DGCR2: variants seen among roughly 807,000 people sequenced by gnomAD.
DGCR2 encodes the protein DiGeorge syndrome critical region gene 2.
In DGCR2, 24 loss-of-function variants were observed where a neutral mutation model predicts 51.6. The ratio of observed to expected loss-of-function variants is 0.47; its 90% CI spans 0.34 to 0.65. The LOEUF (loss-of-function observed/expected upper bound fraction) is 0.65, where lower values mean the gene tolerates loss of function less well. DGCR2 is among the 30% of genes least tolerant of loss of function. DGCR2 has a pLI of 0.01. For missense variants in DGCR2, 765 were observed against 772.1 expected (o/e 0.99, Z 0.11); for synonymous variants, 340 against 315.4 (o/e 1.08, Z -0.82).
intron 2 of DGCR2, among the ~76,000 whole-genome samples, chr22:19,086,688 G>A (rs73158835): frequency 0.18 from 26,823 of 151,916 alleles, 2,523 homozygotes; most frequent in South Asian, 0.28. Context: ...TCACTGCTCA[G>A]CCCTGGTGCA....
At chr22:19,091,249 C>T (rs2793073) in intron 1 of DGCR2, among the ~76,000 whole-genome samples, 62,670 of 152,028 alleles carry the variant, frequency 0.41, 13,364 homozygotes, top group African/African-American at 0.53. Flanking sequence ...GTCCCAGCTA[C>T]TCGAGAGGCT....
intron 1 of DGCR2, among the ~76,000 whole-genome samples, chr22:19,100,418 A>G (rs1047799941): frequency 5.3e-5 from 8 of 152,192 alleles, no homozygotes; most frequent in African/African-American, 1.9e-4. Context: ...TTTATGAAAC[A>G]ATCCATGCCC....
chr22:19,061,020 A>G (rs1569050450), intron 5 of DGCR2: 9 of 246,790 alleles, frequency 3.6e-5, no homozygotes, highest in Non-Finnish European at 7.7e-5. Context: ...ATTTTTCAAC[A>G]TCTTAATGTG....
chr22:19,065,190 C>T, intron 3 of DGCR2, 123 bp from the exon 4 acceptor site: 2 of 796,782 alleles, frequency 2.5e-6, no homozygotes, highest in Non-Finnish European at 4.0e-6. Context: ...GAAACTGAGG[C>T]TCAAGAGGAC....
intron 2 of DGCR2, among the ~76,000 whole-genome samples, chr22:19,089,107 CAGCGCCTCCTTAAGTGG>C (rs1470512283): frequency 2.6e-5 from 4 of 152,208 alleles, no homozygotes; most frequent in Non-Finnish European, 5.9e-5. Flanking sequence ...CCAGGGAGTG[CAGCGCCTCCTTAAGTGG>C]AGCCTCCTGG....
At chr22:19,115,272 G>C (rs1027939331) in intron 1 of DGCR2, among the ~76,000 whole-genome samples, 2 of 152,240 alleles carry the variant, frequency 1.3e-5, no homozygotes, top group Non-Finnish European at 2.9e-5. Context: ...CTCAGCACCG[G>C]CTTGCTGGGG....
At chr22:19,112,004 G>A (rs558366806) in intron 1 of DGCR2, among the ~76,000 whole-genome samples, 1 of 152,250 alleles carries the variant, frequency 6.6e-6, no homozygotes, top group African/African-American at 2.4e-5. Flanking sequence ...TGAGCATGAT[G>A]GCTCATGCCT....
intron 4 of DGCR2, 85 bp downstream of exon 4, chr22:19,064,760 CAGG>C (rs1178081505): frequency 3.1e-6 from 4 of 1,298,748 alleles, no homozygotes; most frequent in Non-Finnish European, 4.3e-6. Flanking sequence ...AGCTGTGCTC[CAGG>C]AGTTTACTGA....
At chr22:19,058,824 A>G (rs1185730156) in intron 5 of DGCR2, among the ~76,000 whole-genome samples, 1 of 152,216 alleles carries the variant, frequency 6.6e-6, no homozygotes, top group Non-Finnish European at 1.5e-5. Flanking sequence ...TCAGGCAACC[A>G]GCAAAACAGG....
At chr22:19,068,283 G>A in intron 2 of DGCR2, 58 bp from the exon 3 acceptor site, 1 of 1,507,052 alleles carries the variant, frequency 6.6e-7, no homozygotes, top group Non-Finnish European at 8.9e-7. Flanking sequence ...CAGTCTCCCT[G>A]GCCAGCATGG....
intron 1 of DGCR2, among the ~76,000 whole-genome samples, chr22:19,099,845 T>C (rs2083182060): frequency 6.6e-6 from 1 of 151,638 alleles, no homozygotes; most frequent in Admixed American, 6.6e-5. Context: ...GTGGCACATG[T>C]CTGTAATCCC....
At chr22:19,108,091 G>A (rs1424069795) in intron 1 of DGCR2, among the ~76,000 whole-genome samples, 2 of 152,158 alleles carry the variant, frequency 1.3e-5, no homozygotes. Flanking sequence ...AGAAGAGCAG[G>A]AGGAGAACCA....
At chr22:19,119,117 C>G (rs188564839) in intron 1 of DGCR2, among the ~76,000 whole-genome samples, 2 of 152,246 alleles carry the variant, frequency 1.3e-5, no homozygotes, top group Admixed American at 6.5e-5. Context: ...TGGGACCTAA[C>G]AGGGGACAGA....
At chr22:19,074,846 T>C (rs2082857276) in intron 2 of DGCR2, among the ~76,000 whole-genome samples, 1 of 152,214 alleles carries the variant, frequency 6.6e-6, no homozygotes, top group African/African-American at 2.4e-5. Context: ...AGGCATCTAC[T>C]GCTCTGATTC....
At chr22:19,075,766 C>G (rs1030426072) in intron 2 of DGCR2, among the ~76,000 whole-genome samples, 1 of 152,164 alleles carries the variant, frequency 6.6e-6, no homozygotes, top group Non-Finnish European at 1.5e-5. Flanking sequence ...GAATTCCTTC[C>G]TTTTTAAGGT....
At chr22:19,066,824 G>C (rs1043735438) in intron 3 of DGCR2, among the ~76,000 whole-genome samples, 1 of 152,236 alleles carries the variant, frequency 6.6e-6, no homozygotes, top group Non-Finnish European at 1.5e-5. Context: ...AAACTGAACA[G>C]ACAGGCAAGG....
At chr22:19,090,685 A>G (rs1270638473) in intron 1 of DGCR2, among the ~76,000 whole-genome samples, 1 of 152,218 alleles carries the variant, frequency 6.6e-6, no homozygotes, top group Non-Finnish European at 1.5e-5. Context: ...CTCTCAAACT[A>G]CAGGTAAAGT....
chr22:19,064,359 C>T (rs182736231), intron 4 of DGCR2, among the ~76,000 whole-genome samples: 56 of 152,376 alleles, frequency 3.7e-4, no homozygotes, highest in African/African-American at 1.2e-3. Context: ...GAAGGAAAAA[C>T]AACTCCGTCT....
intron 1 of DGCR2, among the ~76,000 whole-genome samples, chr22:19,107,197 C>A (rs1428938037): frequency 6.6e-6 from 1 of 152,208 alleles, no homozygotes; most frequent in Non-Finnish European, 1.5e-5. Flanking sequence ...TGAGTGAAGG[C>A]TCCACCCTCA....
Sources: allele counts gnomAD v4.1 joint callset (sites outside exome capture counted in the v4.1 genomes callset), GRCh38; gene constraint gnomAD v4.1.1; transcripts MANE v1.5; gene names NCBI Gene and HGNC (gene_info 2026-07-23, HGNC 2026-07-21).